Variants in MARCHF5 observed in about 807,000 individuals in gnomAD.
MARCHF5 encodes the protein E3 ubiquitin-protein ligase MARCHF5.
In MARCHF5, 5 loss-of-function variants were observed where a neutral mutation model predicts 36.5. The ratio of observed to expected loss-of-function variants is 0.14; its 90% CI spans 0.07 to 0.29. MARCHF5 has a LOEUF of 0.29. MARCHF5 is among the 10% of genes least tolerant of loss of function. MARCHF5 has a pLI of 1.00. For synonymous variants in MARCHF5, 103 were observed against 109.9 expected, an observed-to-expected ratio of 0.94 and a Z score of 0.39; for missense variants, 179 against 336.3, an observed-to-expected ratio of 0.53 and a Z score of 3.66.
chr10:92,348,258 G>T (rs1348206873), intron 3 of MARCHF5, among the ~76,000 whole-genome samples: 1 of 151,740 alleles, frequency 6.6e-6, no homozygotes, highest in Non-Finnish European at 1.5e-5. Flanking sequence ...AGAGGCCGAG[G>T]CAGGCTGATC....
Position 92,311,156 on chromosome 10 carries a change from T to C in MARCHF5, c.57T>C (p.Ala19=), listed in dbSNP as rs1217321720. Residue 19 remains alanine, a synonymous_variant, in exon 2 of 6, where the codon GCT becomes GCC. Coordinates refer to ENST00000358935, the MANE Select transcript of MARCHF5 (RefSeq NM_017824.5). ...ACAGAAGTTGCTGGGTTTGTTTTGC[T>C]ACTGATGAAGATGATAGAACAGCTG... ...MLDRSCWVCF[A]TDEDDRTAEW... 4 of 1,614,054 alleles carry C rather than the reference T, an allele frequency of 2.5e-6. No homozygotes were observed. The highest frequency in any genetic ancestry group is 1.7e-5 in the Admixed American group (1 of 60,016).
intron 2 of MARCHF5, among the ~76,000 whole-genome samples, chr10:92,322,115 G>A (rs1283947901): frequency 2.0e-5 from 3 of 151,242 alleles, no homozygotes; most frequent in Admixed American, 6.6e-5. Context: ...ATGGTGGCGG[G>A]CACCTATAAT....
intron 1 of MARCHF5, among the ~76,000 whole-genome samples, chr10:92,297,166 C>CTT (rs767761093): frequency 5.8e-5 from 8 of 137,846 alleles, no homozygotes; most frequent in Non-Finnish European, 7.9e-5. Context: ...TAATAGACTA[C>CTT]TTTTTTTTTT....
At chr10:92,342,107 A>G (rs1843587412) in intron 3 of MARCHF5, among the ~76,000 whole-genome samples, 2 of 150,282 alleles carry the variant, frequency 1.3e-5, no homozygotes, top group South Asian at 4.2e-4. Context: ...CCCATCCTAT[A>G]TTTTTAGAAT....
At chr10:92,330,812 C>G (rs1259079252) in intron 2 of MARCHF5, among the ~76,000 whole-genome samples, 1 of 152,212 alleles carries the variant, frequency 6.6e-6, no homozygotes, top group Non-Finnish European at 1.5e-5. Flanking sequence ...ATAACACCTT[C>G]ATTGTACAGA....
At chr10:92,312,351 G>A (rs550865509) in intron 2 of MARCHF5, among the ~76,000 whole-genome samples, 11 of 152,304 alleles carry the variant, frequency 7.2e-5, no homozygotes, top group Admixed American at 2.6e-4. Flanking sequence ...ACATGCACAG[G>A]AAGAAATGAT....
chr10:92,314,305 G>A (rs748759620), intron 2 of MARCHF5, among the ~76,000 whole-genome samples: 5 of 152,068 alleles, frequency 3.3e-5, no homozygotes, highest in Admixed American at 2.0e-4. Context: ...TGAGTTAGCC[G>A]CTTAAAATCA....
chr10:92,310,623 T>G (rs1843133732), intron 1 of MARCHF5, among the ~76,000 whole-genome samples: 1 of 152,186 alleles, frequency 6.6e-6, no homozygotes, highest in Non-Finnish European at 1.5e-5. Flanking sequence ...TTCTCTCATG[T>G]TTATACTTTA....
intron 2 of MARCHF5, among the ~76,000 whole-genome samples, chr10:92,337,238 G>A (rs905496770): frequency 4.6e-5 from 7 of 151,822 alleles, no homozygotes; most frequent in East Asian, 3.9e-4. Flanking sequence ...ATAGAGGGCC[G>A]GGCGCAGTGG....
chr10:92,318,565 T>C (rs1237092326), intron 2 of MARCHF5, among the ~76,000 whole-genome samples: 2 of 147,378 alleles, frequency 1.4e-5, no homozygotes, highest in Admixed American at 1.4e-4. Context: ...CACAAAAAAA[T>C]ACAGAAAATT....
intron 3 of MARCHF5, among the ~76,000 whole-genome samples, chr10:92,348,254 C>T (rs542786096): frequency 1.4e-4 from 21 of 151,408 alleles, no homozygotes; most frequent in African/African-American, 4.8e-4. Context: ...TTTGAGAGGC[C>T]GAGGCAGGCT....
chr10:92,339,125 T>C (rs1032690448), intron 2 of MARCHF5, among the ~76,000 whole-genome samples: 3 of 151,376 alleles, frequency 2.0e-5, no homozygotes, highest in Non-Finnish European at 4.4e-5. Flanking sequence ...ATCCCAGCAC[T>C]TTTGGAGGCC....
chr10:92,316,302 A>G (rs1843208622), intron 2 of MARCHF5, among the ~76,000 whole-genome samples: 1 of 152,176 alleles, frequency 6.6e-6, no homozygotes, highest in Non-Finnish European at 1.5e-5. Context: ...ATAGGGAGTT[A>G]CTTATTGTAC....
intron 1 of MARCHF5, among the ~76,000 whole-genome samples, chr10:92,295,357 C>G (rs1336057253): frequency 8.3e-6 from 1 of 119,838 alleles, no homozygotes; most frequent in African/African-American, 3.1e-5. Context: ...AAGTCTCACT[C>G]TGTCACTTGG....
At chr10:92,340,953 CA>C in intron 3 of MARCHF5, 150 bp downstream of exon 3, 3 of 633,202 alleles carry the variant, frequency 4.7e-6, no homozygotes, top group Non-Finnish European at 5.0e-6. Context: ...TTTCTTTACC[CA>C]AAAAGGAGCA....
At chr10:92,321,027 G>A (rs1008645597) in intron 2 of MARCHF5, among the ~76,000 whole-genome samples, 4 of 151,884 alleles carry the variant, frequency 2.6e-5, no homozygotes, top group Non-Finnish European at 4.4e-5. Flanking sequence ...GTTTAGGAAC[G>A]CAAATACCAT....
chr10:92,297,947 C>G (rs1310374977), intron 1 of MARCHF5, among the ~76,000 whole-genome samples: 1 of 152,110 alleles, frequency 6.6e-6, no homozygotes, highest in Non-Finnish European at 1.5e-5. Flanking sequence ...CCTGTAATCC[C>G]AGCACTTTGG....
At chr10:92,325,930 T>C (rs1843352620) in intron 2 of MARCHF5, among the ~76,000 whole-genome samples, 1 of 152,184 alleles carries the variant, frequency 6.6e-6, no homozygotes, top group Non-Finnish European at 1.5e-5. Flanking sequence ...CCGCCTGCCT[T>C]GGCCTCCCAA....
chr10:92,313,505 T>C (rs1281812802), intron 2 of MARCHF5, among the ~76,000 whole-genome samples: 1 of 151,778 alleles, frequency 6.6e-6, no homozygotes, highest in Non-Finnish European at 1.5e-5. Flanking sequence ...CTCGGGAGGC[T>C]GAGGCAGGAG....
Sources: gnomAD v4.1 joint callset for allele counts (sites outside exome capture counted in the v4.1 genomes callset) on GRCh38, gnomAD v4.1.1 for gene constraint, MANE v1.5 for transcripts, NCBI Gene and HGNC (gene_info 2026-07-23, HGNC 2026-07-21) for gene names.